Variants in TMPRSS11B observed in about 807,000 individuals in gnomAD.
TMPRSS11B encodes the protein transmembrane serine protease 11B, also known as transmembrane protease serine 11B.
In TMPRSS11B, 53 loss-of-function variants were observed where a neutral mutation model predicts 44.7. The ratio of observed to expected loss-of-function variants is 1.19; its 90% CI spans 0.95 to 1.49. TMPRSS11B has a LOEUF of 1.49. TMPRSS11B is among the 40% of genes most tolerant of loss of function. The pLI, the probability that TMPRSS11B is intolerant of heterozygous loss-of-function variation, is 0.00. For missense variants in TMPRSS11B, 526 were observed against 494.8 expected, an observed-to-expected ratio of 1.06 and a Z score of -0.60; for synonymous variants, 140 against 159.2, an observed-to-expected ratio of 0.88 and a Z score of 0.91.
At chr4:68,236,392 CCATTTATACCTCTGCCTTAA>C (rs1386481132) in intron 2 of TMPRSS11B, 126 bp from the exon 3 acceptor site, 13 of 618,150 alleles carry the variant, frequency 2.1e-5, no homozygotes, top group African/African-American at 3.7e-5. Flanking sequence ...TCTGCCTCAA[CCATTTATACCTCTGCCTTAA>C]CATTTATACC....
rs1330581176 is a variant in TMPRSS11B at position 68,240,422 on chromosome 4, C to T, written c.124+1267G>A. On this transcript the variant is annotated intron_variant, in intron 2 of 9. Coordinates refer to ENST00000332644, the MANE Select transcript of TMPRSS11B (RefSeq NM_182502.3). ...CTATCTGAAATAGTAGGTGGTTGAC[C>T]ATGTAGAGTCATTGAAGGGTGAATT... Among the ~76,000 whole-genome samples the T allele has an allele frequency of 2.0e-5, 3 of 151,996 alleles. No individual in the cohort carries two copies. The East Asian group carries it at 5.8e-4, about 29-fold the overall frequency.
At chr4:68,244,707 T>C (rs1239864547) in intron 1 of TMPRSS11B, among the ~76,000 whole-genome samples, 1 of 152,258 alleles carries the variant, frequency 6.6e-6, no homozygotes, top group East Asian at 1.9e-4. Flanking sequence ...TTTACCTTTA[T>C]GGTCCATGCC....
chr4:68,241,833 T>C (rs375559080), intron 1 of TMPRSS11B, 29 bp from the exon 2 acceptor site: 1 of 1,371,144 alleles, frequency 7.3e-7, no homozygotes, highest in African/African-American at 1.4e-5. Flanking sequence ...TTGGTTCAAA[T>C]CAGATAATAA....
chr4:68,243,354 T>G (rs1719909476), intron 1 of TMPRSS11B, among the ~76,000 whole-genome samples: 2 of 152,190 alleles, frequency 1.3e-5, no homozygotes, highest in Non-Finnish European at 2.9e-5. Context: ...TTTTGTTTTT[T>G]TTAGCATTAC....
At chr4:68,238,560 TA>T (rs5859126) in intron 2 of TMPRSS11B, among the ~76,000 whole-genome samples, 96,665 of 142,064 alleles carry the variant, frequency 0.68, 34,041 homozygotes, top group East Asian at 0.96. Context: ...CCATCTCTAC[TA>T]AAAAAAAAAA....
At position 68,244,444 on chromosome 4, in the gene TMPRSS11B, G is replaced by T. The variant is rs186755949; in HGVS notation, c.8+1107C>A. Among the ~76,000 whole-genome samples the T allele has an allele frequency of 2.0e-3, 308 of 152,304 alleles. 1 individual carries two copies. Among genetic ancestry groups the T allele is most frequent in the African/African-American group, 7.1e-3 (294 of 41,556 alleles). On this transcript the variant is annotated intron_variant, in intron 1 of 9. Coordinates refer to ENST00000332644, the MANE Select transcript of TMPRSS11B (RefSeq NM_182502.3). Reference sequence around the variant, plus strand: ...GTTTGAGACTAGCCTGGCCAACATGGTGAAACCCCATCTCTACCAAAAAAT... The same window carrying T: ...GTTTGAGACTAGCCTGGCCAACATGTTGAAACCCCATCTCTACCAAAAAAT...
chr4:68,232,463 C>T (rs779475627), intron 5 of TMPRSS11B, 47 bp from the exon 6 acceptor site: 12 of 1,551,632 alleles, frequency 7.7e-6, no homozygotes, highest in Non-Finnish European at 8.9e-6. Flanking sequence ...CAAATATCAC[C>T]AAGCAATTGA....
At chr4:68,231,697 G>A in intron 6 of TMPRSS11B, 1 of 233,512 alleles carries the variant, frequency 4.3e-6, no homozygotes, top group Non-Finnish European at 8.3e-6. Context: ...ATCTTGCATA[G>A]TATATGCACT....
At chr4:68,244,225 A>C (rs766234039) in intron 1 of TMPRSS11B, among the ~76,000 whole-genome samples, 7 of 152,350 alleles carry the variant, frequency 4.6e-5, no homozygotes, top group Non-Finnish European at 1.0e-4. Flanking sequence ...TCCCTCACTT[A>C]ACAAAGGAAA....
chr4:68,232,257 G>C, intron 6 of TMPRSS11B, 121 bp downstream of exon 6: 1 of 844,620 alleles, frequency 1.2e-6, no homozygotes, highest in Non-Finnish European at 1.9e-6. Flanking sequence ...GGTATATCTA[G>C]TAATTCGGAA....
intron 2 of TMPRSS11B, among the ~76,000 whole-genome samples, chr4:68,236,915 CATT>C (rs10582916): frequency 0.3 from 43,043 of 142,742 alleles, 6,843 homozygotes; most frequent in East Asian, 0.41. Flanking sequence ...ACCATGGTGC[CATT>C]ATTATTATTA....
rs1209937549 is a variant in TMPRSS11B at position 68,245,571 on chromosome 4, G to T, written c.-13C>A. 1 of 1,613,330 alleles carries T rather than the reference G, an allele frequency of 6.2e-7. No homozygotes were observed. Among genetic ancestry groups the T allele is most frequent in the South Asian group, 1.1e-5 (1 of 91,024 alleles). ...TTTACCTGTACATAATGTTCTGATTGTTATGGCAGTATCAGGTATAACGGT... is the reference window on the plus strand; with the variant it reads ...TTTACCTGTACATAATGTTCTGATTTTTATGGCAGTATCAGGTATAACGGT... On this transcript the variant is annotated 5_prime_UTR_variant, in exon 1 of 10. Coordinates refer to ENST00000332644, the MANE Select transcript of TMPRSS11B (RefSeq NM_182502.3).
intron 2 of TMPRSS11B, 117 bp downstream of exon 2, chr4:68,241,572 A>G (rs927948416): frequency 1.7e-5 from 12 of 689,680 alleles, no homozygotes; most frequent in Non-Finnish European, 2.9e-5. Context: ...GTGTTGAAAT[A>G]AAATAGTAAA....
At chr4:68,232,342 T>A (rs763052332) in intron 6 of TMPRSS11B, 36 bp downstream of exon 6, 1 of 1,586,416 alleles carries the variant, frequency 6.3e-7, no homozygotes, top group Non-Finnish European at 8.6e-7. Context: ...TACCTGTGAG[T>A]CCATCAAATT....
At chr4:68,234,753 A>G (rs1719616214) in intron 4 of TMPRSS11B, 130 bp from the exon 5 acceptor site, 1 of 882,654 alleles carries the variant, frequency 1.1e-6, no homozygotes, top group Non-Finnish European at 1.7e-6. Flanking sequence ...TACATATACT[A>G]TCTAAGCATG....
chr4:68,244,399 C>T (rs1054470954), intron 1 of TMPRSS11B, among the ~76,000 whole-genome samples: 4 of 152,086 alleles, frequency 2.6e-5, no homozygotes, highest in Admixed American at 1.3e-4. Context: ...CCGAGGCAGG[C>T]GGATCACTTG....
At chr4:68,234,824 T>C (rs1282771486) in intron 4 of TMPRSS11B, among the ~76,000 whole-genome samples, 1 of 152,210 alleles carries the variant, frequency 6.6e-6, no homozygotes, top group African/African-American at 2.4e-5. Context: ...GTGCTATTCA[T>C]GGAAGAAAAT....
chr4:68,241,601 G>A, intron 2 of TMPRSS11B, 88 bp downstream of exon 2: 3 of 792,296 alleles, frequency 3.8e-6, no homozygotes, highest in Admixed American at 5.4e-5. Context: ...CTCCCAAGAA[G>A]AAATTTAATG....
At chr4:68,235,625 TG>T in intron 4 of TMPRSS11B, among the ~76,000 whole-genome samples, 1 of 152,296 alleles carries the variant, frequency 6.6e-6, no homozygotes, top group Non-Finnish European at 1.5e-5. Flanking sequence ...AGGGAAGGTA[TG>T]GGCTAAAAAC....
Sources: allele counts gnomAD v4.1 joint callset (sites outside exome capture counted in the v4.1 genomes callset), GRCh38; gene constraint gnomAD v4.1.1; transcripts MANE v1.5; gene names NCBI Gene and HGNC (gene_info 2026-07-23, HGNC 2026-07-21).